Variants in SNAPC4 observed in about 807,000 individuals in gnomAD.
SNAPC4 encodes the protein snRNA-activating protein complex subunit 4.
A neutral mutation model predicts 151.3 loss-of-function variants in SNAPC4; 127 were observed. That is an observed-to-expected ratio of 0.84 (90% confidence interval 0.73 to 0.97). The LOEUF is 0.97. Ranked by LOEUF, SNAPC4 falls within the 50% of genes least tolerant of loss-of-function variation. The probability of loss-of-function intolerance (pLI) is 0.00; values close to 1 mark genes in which losing one functional copy is unlikely to be tolerated. For missense variants in SNAPC4, 2,186 were observed against 1,935.0 expected, an observed-to-expected ratio of 1.13 and a Z score of -2.43; for synonymous variants, 1,002 against 824.4, an observed-to-expected ratio of 1.22 and a Z score of -3.69.
intron 10 of SNAPC4, among the ~76,000 whole-genome samples, chr9:136,391,334 T>C (rs1264405787): frequency 6.6e-6 from 1 of 152,060 alleles, no homozygotes; most frequent in African/African-American, 2.4e-5. Context: ...CATGTTCCAA[T>C]CAAATTCAGA....
chr9:136,386,713 C>G (rs747662448), intron 13 of SNAPC4, among the ~76,000 whole-genome samples: 1 of 152,108 alleles, frequency 6.6e-6, no homozygotes, highest in Non-Finnish European at 1.5e-5. Context: ...GGATTATAGG[C>G]GTGAGCCACT....
At chr9:136,397,983 T>C (rs1393671594) in intron 2 of SNAPC4, among the ~76,000 whole-genome samples, 4 of 152,052 alleles carry the variant, frequency 2.6e-5, no homozygotes, top group South Asian at 2.1e-4. Flanking sequence ...AAAGGAGGAA[T>C]TGTCAGAAGC....
rs1366495274 is a variant in SNAPC4 at position 136,378,936 on chromosome 9, C to A, written c.2891G>T (p.Gly964Val). 1.2e-6 allele frequency: 2 copies of A among 1,610,472 alleles called. No homozygotes were observed. Among genetic ancestry groups the A allele is most frequent in the Admixed American group, 1.7e-5 (1 of 59,598 alleles). Residue 964 changes from glycine (G) to valine (V), a missense_variant, in exon 22 of 24, where the codon GGC becomes GTC. Gly to Val is a moderately radical substitution (Grantham distance 109). Coordinates refer to ENST00000684778, the MANE Select transcript of SNAPC4 (RefSeq NM_003086.4). ...GPGAPAAAKP[G>V]TSGSWQEAGT... Reference sequence around the variant, plus strand: ...AGCCTCCTGCCAGGAGCCAGAAGTGCCAGGTTTGGCTGCCGCGGGGGCCCC... The same window carrying A: ...AGCCTCCTGCCAGGAGCCAGAAGTGACAGGTTTGGCTGCCGCGGGGGCCCC...
At chr9:136,385,228 C>T (rs1833851280) in intron 13 of SNAPC4, among the ~76,000 whole-genome samples, 1 of 152,196 alleles carries the variant, frequency 6.6e-6, no homozygotes, top group African/African-American at 2.4e-5. Context: ...CACGTCAAAA[C>T]CACAAGACAC....
chr9:136,376,877 TG>T (rs754955823), intron 22 of SNAPC4, among the ~76,000 whole-genome samples: 3 of 152,060 alleles, frequency 2.0e-5, no homozygotes, highest in Non-Finnish European at 4.4e-5. Context: ...TGGGGAGAGA[TG>T]GAAGGCCCTC....
intron 13 of SNAPC4, among the ~76,000 whole-genome samples, chr9:136,386,678 C>T (rs1833900864): frequency 6.6e-6 from 1 of 152,174 alleles, no homozygotes; most frequent in South Asian, 2.1e-4. Context: ...AGGTGATCCG[C>T]CGGCCTCGGC....
At position 136,384,727 on chromosome 9, in the gene SNAPC4, A is replaced by G. The variant is rs200047665; in HGVS notation, c.1413T>C (p.Tyr471=). 125 of 1,499,788 alleles carry G rather than the reference A, an allele frequency of 8.3e-5. No individual in the cohort carries two copies. The East Asian group carries it at 2.3e-3, about 28-fold the overall frequency. The allele number at this position is 1,499,788 out of a possible 1,614,324, so 92.9% of individuals were successfully genotyped here. A position where few individuals can be genotyped will look rare whatever the true frequency, so the allele number is the denominator to read the frequency against. Residue 471 remains tyrosine (Y), a synonymous_variant, in exon 14 of 24, where the codon TAT becomes TAC. Transcript: ENST00000684778. ...AAACTGTCAGCAACTTACCGACACC[A>G]TATTTTTCTATTAATTCAATTAACT... ...EEQLIELIEK[Y]GVGHWAKIAS...
intron 7 of SNAPC4, 84 bp from the exon 8 acceptor site, chr9:136,392,861 G>C (rs1834130970): frequency 8.1e-6 from 9 of 1,106,388 alleles, no homozygotes; most frequent in South Asian, 7.8e-5. Context: ...AGGGCAAGGA[G>C]TGTGAGCTCA....
rs763035796 is a variant in SNAPC4, at chr9:136,394,275, C to T, written c.606G>A (p.Gln202=). 6.2e-7 allele frequency: 1 copy of T among 1,613,956 alleles called. No homozygotes were observed. Among genetic ancestry groups the T allele is most frequent in the South Asian group, 1.1e-5 (1 of 91,088 alleles). ...TCAGTAACTTGGGCTGAAGCAATCG[C>T]TGCAGGCGGTCACTCACCACTGACT... ...LRKSVVSDRL[Q]RLLQPKLLKL... The change falls in exon 7 of 24, where the codon CAG becomes CAA. Residue 202 remains glutamine, a synonymous_variant. Transcript: ENST00000684778.
Position 136,383,856 on chromosome 9 carries a change from C to T in SNAPC4, c.1500+97G>A, listed in dbSNP as rs935889461. Reference sequence around the variant, plus strand: ...AAGAAGAAATGCCAAGACCAGAAACCGAACGCCCCCCTCCCCTCCCCTCCT... The same window carrying T: ...AAGAAGAAATGCCAAGACCAGAAACTGAACGCCCCCCTCCCCTCCCCTCCT... On this transcript the variant is annotated intron_variant, in intron 15 of 23. Coordinates refer to ENST00000684778, the MANE Select transcript of SNAPC4 (RefSeq NM_003086.4). This position sits in a 1 kb window ranked among gnomAD's most constrained non-coding sequence, Gnocchi z 4.2. The T allele has an allele frequency of 1.5e-5, 20 of 1,332,064 alleles. No individual in the cohort carries two copies. The highest frequency in any genetic ancestry group is 4.3e-5 in the African/African-American group (3 of 69,054). The allele number at this position is 1,332,064 out of a possible 1,614,324, so 82.5% of individuals were successfully genotyped here.
At chr9:136,385,585 GCTCA>G (rs958235416) in intron 13 of SNAPC4, among the ~76,000 whole-genome samples, 4 of 151,376 alleles carry the variant, frequency 2.6e-5, no homozygotes, top group Non-Finnish European at 4.4e-5. Flanking sequence ...TGAGACGGAG[GCTCA>G]CTGTCGCCCA....
intron 22 of SNAPC4, 141 bp downstream of exon 22, chr9:136,377,402 G>C (rs1833488001): frequency 2.7e-6 from 3 of 1,099,788 alleles, no homozygotes; most frequent in Admixed American, 6.3e-5. Flanking sequence ...CCAGGAACCA[G>C]CTTCCTCCTC....
At chr9:136,391,245 C>T (rs1588760377) in intron 10 of SNAPC4, among the ~76,000 whole-genome samples, 1 of 152,116 alleles carries the variant, frequency 6.6e-6, no homozygotes, top group African/African-American at 2.4e-5. Flanking sequence ...TTAGCTGGGT[C>T]TGCTATAATC....
Position 136,395,630 on chromosome 9 carries a change from C to G in SNAPC4, c.318G>C (p.Leu106=), listed in dbSNP as rs375364931. The change falls in exon 4 of 24, where the codon CTG becomes CTC. Residue 106 remains leucine, a synonymous_variant. Transcript: ENST00000684778. Reference sequence around the variant, plus strand: ...GCTGCTCCCGGTTCTGGGCCAGCAGCAGGTTGGCCTCAGCCAGCTTCTCCT... The same window carrying G: ...GCTGCTCCCGGTTCTGGGCCAGCAGGAGGTTGGCCTCAGCCAGCTTCTCCT... ...VIQEKLAEAN[L]LLAQNREQQE... The G allele has an allele frequency of 5.0e-6, 8 of 1,612,280 alleles. No individual in the cohort carries two copies. In the African/African-American group the frequency reaches 1.1e-4, roughly 22 times the overall value.
rs1309798161 is a variant in SNAPC4 at position 136,383,353 on chromosome 9, C to G, written c.1816G>C (p.Ala606Pro). The G allele has an allele frequency of 6.2e-7, 1 of 1,607,608 alleles. No homozygotes were observed. The highest frequency in any genetic ancestry group is 1.7e-5 in the Admixed American group (1 of 59,382). Residue 606 changes from alanine to proline, a missense_variant, in exon 16 of 24, where the codon GCC (alanine) becomes CCC (proline). Ala to Pro is a conservative substitution (Grantham distance 27). Coordinates refer to ENST00000684778, the MANE Select transcript of SNAPC4 (RefSeq NM_003086.4). This position sits in a 1 kb window ranked among gnomAD's most constrained non-coding sequence, Gnocchi z 4.2. ...ASLSPPKGSS[A>P]SQGGSKEAST... ...GCTTCCTTGCTGCCGCCCTGGCTGG[C>G]ACTGGACCCCTTGGGAGGGCTGAGG... is the stretch of plus-strand genomic sequence containing the variant.
intron 4 of SNAPC4, 60 bp from the exon 5 acceptor site, chr9:136,395,483 G>T (rs2131514670): frequency 6.3e-7 from 1 of 1,588,354 alleles, no homozygotes; most frequent in Non-Finnish European, 8.6e-7. Context: ...TCTCCCTGCG[G>T]AGGAGACCCG....
chr9:136,379,733 G>T, intron 21 of SNAPC4, 104 bp downstream of exon 21: 2 of 1,069,110 alleles, frequency 1.9e-6, no homozygotes. Context: ...GCCACAGGCT[G>T]TGCTGCTTGG....
At chr9:136,384,856 G>A (rs764917790) in intron 13 of SNAPC4, 42 bp from the exon 14 acceptor site, 9 of 1,103,764 alleles carry the variant, frequency 8.2e-6, no homozygotes, top group Middle Eastern at 2.0e-4. Flanking sequence ...TAGATGCCGA[G>A]ACGCCGCCCG....
At chr9:136,376,643 C>T (rs532407102) in intron 22 of SNAPC4, among the ~76,000 whole-genome samples, 162 bp from the exon 23 acceptor site, 25 of 152,254 alleles carry the variant, frequency 1.6e-4, no homozygotes, top group Non-Finnish European at 2.4e-4. Flanking sequence ...TGGGGCCACA[C>T]GTGACTGTGC....
Sources: gnomAD v4.1 joint callset for allele counts (sites outside exome capture counted in the v4.1 genomes callset) on GRCh38, gnomAD v4.1.1 for gene constraint, Gnocchi (gnomAD v3.1) non-coding constraint, MANE v1.5 for transcripts, NCBI Gene and HGNC (gene_info 2026-07-23, HGNC 2026-07-21) for gene names.